Variants in NDEL1 observed in about 807,000 individuals in gnomAD.
The protein encoded by NDEL1 is nuclear distribution protein nudE-like 1.
Under a neutral mutation model 45.7 loss-of-function variants are expected in NDEL1, and 9 were observed. The ratio of observed to expected loss-of-function variants is 0.20; its 90% CI spans 0.12 to 0.34. The LOEUF (loss-of-function observed/expected upper bound fraction) is 0.34, where lower values mean the gene tolerates loss of function less well. Among genes scored for constraint, NDEL1 ranks in the 10% least tolerant of loss-of-function variants. The probability of loss-of-function intolerance (pLI) is 1.00; values close to 1 mark genes in which losing one functional copy is unlikely to be tolerated. For missense variants in NDEL1, 306 were observed against 406.2 expected, an observed-to-expected ratio of 0.75 and a Z score of 2.12; for synonymous variants, 133 against 158.6, an observed-to-expected ratio of 0.84 and a Z score of 1.21.
intron 3 of NDEL1, among the ~76,000 whole-genome samples, 163 bp from the exon 4 acceptor site, chr17:8,446,591 A>G (rs1189762494): frequency 6.6e-6 from 1 of 152,256 alleles, no homozygotes; most frequent in African/African-American, 2.4e-5. Context: ...ACATGAGTTT[A>G]GGCACTTAGA....
chr17:8,418,717 C>G (rs1416349042), intron 1 of NDEL1, among the ~76,000 whole-genome samples: 1 of 148,786 alleles, frequency 6.7e-6, no homozygotes, highest in African/African-American at 2.5e-5. Flanking sequence ...TTCTCTCTCT[C>G]TCTCTCTTTC....
chr17:8,463,165 A>G (rs1170452529), intron 8 of NDEL1: 1 of 560,486 alleles, frequency 1.8e-6, no homozygotes, highest in Non-Finnish European at 3.2e-6. Flanking sequence ...TTTTCCCATA[A>G]CTTTATGTAG....
At chr17:8,426,304 G>A (rs948232711) in intron 1 of NDEL1, among the ~76,000 whole-genome samples, 1 of 152,298 alleles carries the variant, frequency 6.6e-6, no homozygotes, top group East Asian at 1.9e-4. Flanking sequence ...CTGGTAATGG[G>A]AATCGGGCTA....
intron 1 of NDEL1, among the ~76,000 whole-genome samples, chr17:8,439,185 C>T (rs1322009409): frequency 2.0e-5 from 3 of 151,744 alleles, no homozygotes; most frequent in African/African-American, 7.3e-5. Context: ...CGTGATCCGC[C>T]CGCCTCGGCC....
chr17:8,458,282 C>G (rs558920457), intron 7 of NDEL1, among the ~76,000 whole-genome samples: 7 of 152,122 alleles, frequency 4.6e-5, no homozygotes, highest in African/African-American at 1.7e-4. Flanking sequence ...ATCTGCTCAC[C>G]CTTTCGATAT....
intron 1 of NDEL1, among the ~76,000 whole-genome samples, chr17:8,425,021 C>T (rs1211207428): frequency 1.3e-5 from 2 of 152,202 alleles, no homozygotes; most frequent in African/African-American, 4.8e-5. Flanking sequence ...TTACCAAGAA[C>T]TGTGACATCC....
intron 4 of NDEL1, among the ~76,000 whole-genome samples, chr17:8,448,004 C>G (rs1002226180): frequency 6.6e-6 from 1 of 151,698 alleles, no homozygotes; most frequent in South Asian, 2.1e-4. Flanking sequence ...AGTGGGGGAA[C>G]CAATCAGAGG....
chr17:8,455,700 A>G (rs1910793814), intron 7 of NDEL1, among the ~76,000 whole-genome samples: 1 of 152,188 alleles, frequency 6.6e-6, no homozygotes, highest in African/African-American at 2.4e-5. Context: ...AAAAAAAAAA[A>G]AAAAAAAAAA....
chr17:8,455,573 G>A (rs1391226894), intron 7 of NDEL1, among the ~76,000 whole-genome samples: 1 of 151,546 alleles, frequency 6.6e-6, no homozygotes, highest in Admixed American at 6.6e-5. Context: ...TGTAATCCCA[G>A]CTACTTGGGA....
At chr17:8,447,674 G>A (rs1910171225) in intron 4 of NDEL1, among the ~76,000 whole-genome samples, 1 of 152,136 alleles carries the variant, frequency 6.6e-6, no homozygotes, top group Non-Finnish European at 1.5e-5. Context: ...TGAACAACGT[G>A]CAGTGGCTTG....
At chr17:8,473,805 G>A (rs1489273808) in intron 3 of NDEL1, among the ~76,000 whole-genome samples, 2 of 152,226 alleles carry the variant, frequency 1.3e-5, no homozygotes, top group Non-Finnish European at 2.9e-5. Flanking sequence ...GCACTAGAGA[G>A]GCTGCCCTTG....
intron 8 of NDEL1, chr17:8,463,498 G>T: frequency 1.5e-6 from 1 of 675,814 alleles, no homozygotes; most frequent in Non-Finnish European, 2.6e-6. Context: ...GAACTTTCAC[G>T]GTCCTGTTCG....
intron 1 of NDEL1, among the ~76,000 whole-genome samples, chr17:8,423,967 G>T (rs900920906): frequency 6.6e-6 from 1 of 152,164 alleles, no homozygotes; most frequent in African/African-American, 2.4e-5. Context: ...AAAGAATTTT[G>T]AGGAAATTAC....
intron 1 of NDEL1, among the ~76,000 whole-genome samples, chr17:8,413,622 A>G (rs4791312): frequency 0.41 from 62,830 of 152,048 alleles, 13,437 homozygotes; most frequent in African/African-American, 0.52. Flanking sequence ...ATCTGGAGCC[A>G]ACAGAGACAG....
chr17:8,456,910 G>T (rs1910885062), intron 7 of NDEL1, among the ~76,000 whole-genome samples: 1 of 152,150 alleles, frequency 6.6e-6, no homozygotes, highest in African/African-American at 2.4e-5. Flanking sequence ...TCTGTTGGTT[G>T]GTTCTAAAAA....
chr17:8,422,665 C>G (rs1349508268), intron 1 of NDEL1, among the ~76,000 whole-genome samples: 1 of 152,120 alleles, frequency 6.6e-6, no homozygotes, highest in Non-Finnish European at 1.5e-5. Flanking sequence ...TGAAGAAGTC[C>G]CGTCGCCTAA....
intron 1 of NDEL1, 135 bp downstream of exon 1, chr17:8,436,180 G>C (rs1909322275): frequency 4.0e-6 from 1 of 246,958 alleles, no homozygotes; most frequent in South Asian, 3.5e-5. Context: ...GGGTTCCGGG[G>C]CGGCCAGCCT....
intron 1 of NDEL1, among the ~76,000 whole-genome samples, chr17:8,417,398 G>T (rs1422797414): frequency 6.6e-6 from 1 of 151,992 alleles, no homozygotes; most frequent in Non-Finnish European, 1.5e-5. Flanking sequence ...CTGAACCTAT[G>T]GATTATATTG....
In NDEL1 at chr17:8,452,687, CTCTT is replaced by C. The variant is rs199846184; in HGVS notation, c.700+1744_700+1747del. Among the ~76,000 whole-genome samples, 1,129 of 146,678 alleles carry C rather than the reference CTCTT, an allele frequency of 7.7e-3. 18 individuals are homozygous for C. The highest frequency in any genetic ancestry group is 0.025 in the African/African-American group (986 of 39,976). The stretch of plus-strand genomic sequence containing the variant: ...TTTGTTTCTCTTTCTTTCTTTCTTT[CTCTT>C]TCTTTCTTTTTCTTTCTTCCTTTCT... On this transcript the variant is annotated intron_variant, in intron 6 of 8. Transcript: ENST00000334527.
Sources: allele counts gnomAD v4.1 joint callset (sites outside exome capture counted in the v4.1 genomes callset), GRCh38; gene constraint gnomAD v4.1.1; transcripts MANE v1.5; gene names NCBI Gene and HGNC (gene_info 2026-07-23, HGNC 2026-07-21).